CDH11: variants seen among roughly 807,000 people sequenced by gnomAD.
CDH11 encodes the protein cadherin-11.
CDH11 carries 11 observed loss-of-function variants against 67.8 expected under a neutral mutation model. The ratio of observed to expected loss-of-function variants is 0.16; its 90% CI spans 0.10 to 0.27. The LOEUF is 0.27. CDH11 is among the 10% of genes least tolerant of loss of function. The pLI, the probability that CDH11 is intolerant of heterozygous loss-of-function variation, is 1.00. For synonymous variants in CDH11, 419 were observed against 400.0 expected, an observed-to-expected ratio of 1.05 and a Z score of -0.57; for missense variants, 847 against 1,031.2, an observed-to-expected ratio of 0.82 and a Z score of 2.45.
At chr16:64,992,034 C>T (rs1196613145) in intron 5 of CDH11, 99 bp from the exon 6 acceptor site, 3 of 774,426 alleles carry the variant, frequency 3.9e-6, no homozygotes, top group Non-Finnish European at 6.1e-6. Context: ...ATAAAATATC[C>T]CATGCCCTCA....
chr16:65,064,424 A>C (rs8049948), intron 1 of CDH11, among the ~76,000 whole-genome samples: 1 of 152,196 alleles, frequency 6.6e-6, no homozygotes, highest in African/African-American at 2.4e-5. Context: ...CAGTAAATAT[A>C]AGTCAATACC....
chr16:64,972,887 A>C lies in CDH11; in HGVS notation c.1390+17T>G, dbSNP rs778327882. 1.1e-5 allele frequency: 17 copies of C among 1,613,010 alleles called. No homozygotes were observed. The African/African-American group carries it at 2.1e-4, about 20-fold the overall frequency. ...TACTTGGTAAAGTAGAATCAAAACC[A>C]TGAGGAGAATACTTACGGATTTCTG... On this transcript the variant is annotated intron_variant, in intron 9 of 12. Coordinates refer to ENST00000268603, the MANE Select transcript of CDH11 (RefSeq NM_001797.4).
In CDH11 at chr16:64,957,803, G is replaced by A. The variant is rs185047166; in HGVS notation, c.1643-6785C>T. 3.9e-3 allele frequency among the ~76,000 whole-genome samples: 586 copies of A among 152,124 alleles called. 5 individuals carry two copies. The highest frequency in any genetic ancestry group is 6.3e-3 in the Non-Finnish European group (430 of 68,004). ...CATCATTTGAGCATTTAGTTATTTCGATTTCTTTACACTCATTTACATTTG... is the reference window on the plus strand; with the variant it reads ...CATCATTTGAGCATTTAGTTATTTCAATTTCTTTACACTCATTTACATTTG... On this transcript the variant is annotated intron_variant, in intron 11 of 12. Coordinates refer to ENST00000268603, the MANE Select transcript of CDH11 (RefSeq NM_001797.4).
chr16:64,990,370 CCA>C (rs1277451830), intron 6 of CDH11, among the ~76,000 whole-genome samples: 1 of 151,426 alleles, frequency 6.6e-6, no homozygotes, highest in African/African-American at 2.4e-5. Context: ...CTTTGAGTAA[CCA>C]CAGTGCCTTC....
intron 2 of CDH11, among the ~76,000 whole-genome samples, chr16:65,031,401 T>C (rs1236437304): frequency 6.6e-6 from 1 of 152,170 alleles, no homozygotes; most frequent in Non-Finnish European, 1.5e-5. Flanking sequence ...AGTTCTTTGA[T>C]GGGGGACTTA....
chr16:64,981,012 T>TGTCATTAGCTTCATCA (rs1028293677), intron 8 of CDH11: 14 of 152,230 alleles, frequency 9.2e-5, no homozygotes, highest in African/African-American at 3.4e-4. Context: ...CTCTCATTTT[T>TGTCATTAGCTTCATCA]GTCATTAGCT....
At chr16:65,091,544 T>C (rs986070575) in intron 1 of CDH11, among the ~76,000 whole-genome samples, 1 of 151,368 alleles carries the variant, frequency 6.6e-6, no homozygotes, top group African/African-American at 2.4e-5. Flanking sequence ...CTCTATAGAT[T>C]AGGCCTTTCC....
intron 2 of CDH11, among the ~76,000 whole-genome samples, chr16:65,016,442 A>G (rs1597096178): frequency 6.6e-6 from 1 of 152,146 alleles, no homozygotes; most frequent in Non-Finnish European, 1.5e-5. Flanking sequence ...GACAGGCAGG[A>G]CTTTCAAAGG....
chr16:65,001,515 T>C (rs2072919329), intron 3 of CDH11, among the ~76,000 whole-genome samples: 1 of 152,180 alleles, frequency 6.6e-6, no homozygotes, highest in South Asian at 2.1e-4. Context: ...CAAGAAAGTA[T>C]AAATAAAATG....
At chr16:65,001,657 A>G (rs993145167) in intron 3 of CDH11, among the ~76,000 whole-genome samples, 1 of 152,180 alleles carries the variant, frequency 6.6e-6, no homozygotes, top group Non-Finnish European at 1.5e-5. Context: ...AAATTTAACA[A>G]AACATTTCCT....
chr16:65,001,364 A>G (rs1443618644), intron 3 of CDH11, among the ~76,000 whole-genome samples: 1 of 152,200 alleles, frequency 6.6e-6, no homozygotes, highest in African/African-American at 2.4e-5. Context: ...AATTGCCCCA[A>G]TCTTCATTCA....
At chr16:65,070,153 G>T (rs907138303) in intron 1 of CDH11, among the ~76,000 whole-genome samples, 6 of 152,158 alleles carry the variant, frequency 3.9e-5, no homozygotes, top group Non-Finnish European at 7.3e-5. Flanking sequence ...CAATCAAGAG[G>T]TAAGTAAGTT....
At chr16:64,960,361 A>T (rs944420266) in intron 11 of CDH11, among the ~76,000 whole-genome samples, 1 of 152,158 alleles carries the variant, frequency 6.6e-6, no homozygotes, top group Non-Finnish European at 1.5e-5. Flanking sequence ...CCACTCCTTC[A>T]CTTTTAATTT....
chr16:64,952,020 C>T (rs1392664698), intron 11 of CDH11, among the ~76,000 whole-genome samples: 1 of 152,188 alleles, frequency 6.6e-6, no homozygotes, highest in Non-Finnish European at 1.5e-5. Context: ...AGGCTCACCT[C>T]CTACTTTTTC....
At chr16:65,057,954 G>A (rs1030254958) in intron 1 of CDH11, among the ~76,000 whole-genome samples, 1 of 152,188 alleles carries the variant, frequency 6.6e-6, no homozygotes, top group African/African-American at 2.4e-5. Context: ...CACTGGGAAG[G>A]CCAGCTGCAG....
In CDH11 at chr16:64,943,982, A is replaced by T. The variant is rs145292353; in HGVS notation, c.*3621T>A. On this transcript the variant is annotated 3_prime_UTR_variant, in exon 13 of 13. Transcript: ENST00000268603. ...AAATAACAAGGGTGACCTGCTTTCC[A>T]TGGAAAAGGAACGTGTTTTTTTTTG... 2.9e-3 allele frequency: 679 copies of T among 231,820 alleles called. 5 individuals carry two copies. Among genetic ancestry groups the T allele is most frequent in the African/African-American group, 0.013 (611 of 45,352 alleles). The allele number at this position is 231,820 out of a possible 1,614,324, so 14.4% of individuals were successfully genotyped here. A position where few individuals can be genotyped will look rare whatever the true frequency, so the allele number is the denominator to read the frequency against.
intron 2 of CDH11, among the ~76,000 whole-genome samples, chr16:65,043,363 A>T (rs1458665125): frequency 6.6e-6 from 1 of 151,612 alleles, no homozygotes; most frequent in East Asian, 1.9e-4. Context: ...ACTAGGGGGT[A>T]CCCTTTGGAA....
intron 2 of CDH11, among the ~76,000 whole-genome samples, chr16:65,038,461 G>A (rs1032700593): frequency 6.6e-5 from 10 of 152,060 alleles, no homozygotes; most frequent in African/African-American, 1.7e-4. Context: ...CATTATCTCC[G>A]CAGGGGAGAT....
At chr16:65,045,076 A>G (rs2073931420) in intron 2 of CDH11, among the ~76,000 whole-genome samples, 2 of 151,708 alleles carry the variant, frequency 1.3e-5, no homozygotes, top group South Asian at 2.1e-4. Flanking sequence ...ATAAAACCAC[A>G]CAAAGGCTTT....
Sources: gnomAD v4.1 joint callset for allele counts (sites outside exome capture counted in the v4.1 genomes callset) on GRCh38, gnomAD v4.1.1 for gene constraint, MANE v1.5 for transcripts, NCBI Gene and HGNC (gene_info 2026-07-23, HGNC 2026-07-21) for gene names.